ASTN1: variants seen among roughly 807,000 people sequenced by gnomAD.
ASTN1 encodes the protein astrotactin 1, also known as astrotactin-1.
A neutral mutation model predicts 140.7 loss-of-function variants in ASTN1; 41 were observed. The ratio of observed to expected loss-of-function variants is 0.29; its 90% CI spans 0.23 to 0.38. ASTN1 has a LOEUF of 0.38. Among genes scored for constraint, ASTN1 ranks in the 10% least tolerant of loss-of-function variants. The pLI is 1.00. For missense variants in ASTN1, 1,479 were observed against 1,678.8 expected, an observed-to-expected ratio of 0.88 and a Z score of 2.08; for synonymous variants, 640 against 652.2, an observed-to-expected ratio of 0.98 and a Z score of 0.29.
intron 8 of ASTN1, among the ~76,000 whole-genome samples, chr1:176,996,289 TCA>T (rs372443740): frequency 7.7e-5 from 10 of 129,406 alleles, no homozygotes; most frequent in South Asian, 5.2e-4. Flanking sequence ...TCTCTCTCTC[TCA>T]CACACACACA....
At chr1:177,033,093 G>A (rs944406761) in intron 2 of ASTN1, among the ~76,000 whole-genome samples, 2 of 150,680 alleles carry the variant, frequency 1.3e-5, no homozygotes, top group Admixed American at 6.6e-5. Context: ...CAGTTGCTTC[G>A]GGCTTAGCAA....
At chr1:177,108,424 A>C (rs1414412335) in intron 1 of ASTN1, among the ~76,000 whole-genome samples, 1 of 151,906 alleles carries the variant, frequency 6.6e-6, no homozygotes, top group Non-Finnish European at 1.5e-5. Context: ...TGACTACTCT[A>C]GGTACCTCAT....
At chr1:177,040,143 C>T (rs1350005126) in intron 2 of ASTN1, among the ~76,000 whole-genome samples, 1 of 152,256 alleles carries the variant, frequency 6.6e-6, no homozygotes, top group Admixed American at 6.5e-5. Flanking sequence ...CCCTGCCCAT[C>T]TCCTTCGCAG....
intron 1 of ASTN1, among the ~76,000 whole-genome samples, chr1:177,118,816 C>T (rs1681230846): frequency 6.6e-6 from 1 of 152,136 alleles, no homozygotes; most frequent in Admixed American, 6.5e-5. Flanking sequence ...TCCACTACAT[C>T]AACCAAAAGT....
intron 1 of ASTN1, among the ~76,000 whole-genome samples, chr1:177,087,284 T>C (rs747797884): frequency 1.4e-4 from 22 of 152,194 alleles, no homozygotes; most frequent in Admixed American, 2.6e-4. Context: ...GCAGGTTTCC[T>C]GGCCATGCCT....
At chr1:177,092,246 T>C (rs1679793544) in intron 1 of ASTN1, among the ~76,000 whole-genome samples, 2 of 152,194 alleles carry the variant, frequency 1.3e-5, no homozygotes, top group Admixed American at 1.3e-4. Context: ...CATTTTCTAA[T>C]GACTAAGGAT....
Position 176,965,186 on chromosome 1 carries a change from C to T in ASTN1, c.1575G>A (p.Glu525=). The T allele has an allele frequency of 6.2e-7, 1 of 1,614,014 alleles. No individual in the cohort carries two copies. Among genetic ancestry groups the T allele is most frequent in the Non-Finnish European group, 8.5e-7 (1 of 1,179,902 alleles). ...FQRGFDLVLG[E]QPSDKIFRFT... ...ACCTAAATATTTTATCAGAGGGCTG[C>T]TCTCCCAAAACCAGGTCAAAGCCTC... The change falls in exon 9 of 23, where the codon GAG becomes GAA. Residue 525 remains glutamate (E), a synonymous_variant. Transcript: ENST00000361833.
chr1:176,953,342 C>A (rs973093192), intron 11 of ASTN1, among the ~76,000 whole-genome samples: 2 of 152,158 alleles, frequency 1.3e-5, no homozygotes, highest in Non-Finnish European at 2.9e-5. Flanking sequence ...TGCAGCTGAT[C>A]CTGCCTCACC....
chr1:177,024,161 G>T (rs1414865237), intron 6 of ASTN1, among the ~76,000 whole-genome samples: 2 of 152,312 alleles, frequency 1.3e-5, no homozygotes, highest in East Asian at 3.9e-4. Flanking sequence ...TAGGCTTACA[G>T]CAAGTTACTG....
At chr1:176,955,588 A>G (rs1217272180) in intron 11 of ASTN1, among the ~76,000 whole-genome samples, 3 of 152,250 alleles carry the variant, frequency 2.0e-5, no homozygotes, top group Non-Finnish European at 2.9e-5. Flanking sequence ...CAGTGGCTCC[A>G]ATTCTAAAAT....
In ASTN1 at chr1:177,030,861, G is replaced by T; in HGVS notation, c.957C>A (p.Thr319=). 6.2e-7 allele frequency: 1 copy of T among 1,614,118 alleles called. No individual in the cohort carries two copies. Among genetic ancestry groups the T allele is most frequent in the Non-Finnish European group, 8.5e-7 (1 of 1,180,014 alleles). The part of the protein sequence containing the change: ...SPVDSNHQQA[T]LLSHTSSSQR... ...GGCTGCTGGAGGTGTGAGAGAGAAG[G>T]GTGGCTTGCTGGTGGTTGGAGTCCA... is the stretch of plus-strand genomic sequence containing the variant. Residue 319 remains threonine, a synonymous_variant, in exon 4 of 23, where the codon ACC becomes ACA. Coordinates refer to ENST00000361833, the MANE Select transcript of ASTN1 (RefSeq NM_004319.3).
chr1:176,930,999 G>A (rs868091542), intron 16 of ASTN1, among the ~76,000 whole-genome samples: 2 of 152,246 alleles, frequency 1.3e-5, no homozygotes, highest in African/African-American at 4.8e-5. Flanking sequence ...GAAGCAGGGA[G>A]GGATGGGCGC....
chr1:176,926,992 A>G lies in ASTN1; in HGVS notation c.2671+7160T>C, dbSNP rs114182729. On this transcript the variant is annotated intron_variant, in intron 16 of 22. Coordinates refer to ENST00000361833, the MANE Select transcript of ASTN1 (RefSeq NM_004319.3). ...GTTTACTATCCTGGGAGAGGAACCA[A>G]TTTAGTCTTCCTGGGCTTTATCCAC... Among the ~76,000 whole-genome samples, 277 of 152,314 alleles carry G rather than the reference A, an allele frequency of 1.8e-3. 1 individual carries two copies. Among genetic ancestry groups the G allele is most frequent in the African/African-American group, 6.5e-3 (272 of 41,576 alleles).
chr1:176,930,331 T>C (rs1371573995), intron 16 of ASTN1, among the ~76,000 whole-genome samples: 1 of 152,078 alleles, frequency 6.6e-6, no homozygotes, highest in African/African-American at 2.4e-5. Flanking sequence ...CTGGAGAATT[T>C]CCTGGTAGAA....
rs544459844 is a variant in ASTN1 at position 177,011,994 on chromosome 1, T to A, written c.1523+2797A>T. ...TTGGCCTAGGATTTGGTTGTTCTAC[T>A]TCAAAGGAATGTTCAGCTATTTTAA... is the stretch of plus-strand genomic sequence containing the variant. On this transcript the variant is annotated intron_variant, in intron 8 of 22. Coordinates refer to ENST00000361833, the MANE Select transcript of ASTN1 (RefSeq NM_004319.3). 9.8e-5 allele frequency among the ~76,000 whole-genome samples: 15 copies of A among 152,326 alleles called. No homozygotes were observed. In the South Asian group the frequency reaches 3.1e-3, roughly 32 times the overall value.
intron 21 of ASTN1, among the ~76,000 whole-genome samples, chr1:176,873,572 G>A (rs1390345309): frequency 6.6e-6 from 1 of 152,162 alleles, no homozygotes; most frequent in African/African-American, 2.4e-5. Context: ...TCAGACCTGA[G>A]TGCTGCGAGA....
At chr1:176,992,620 C>T (rs961510181) in intron 8 of ASTN1, among the ~76,000 whole-genome samples, 11 of 152,128 alleles carry the variant, frequency 7.2e-5, no homozygotes, top group African/African-American at 1.4e-4. Context: ...CTTTCCAAAA[C>T]GACTTGGCAT....
Position 176,900,511 on chromosome 1 carries a change from A to G in ASTN1, c.2672-5681T>C, listed in dbSNP as rs115994268. ...AACTAATCTTATGAAATTTACATTC[A>G]TTTTAGCCCCACACCATCCACTTCT... On this transcript the variant is annotated intron_variant, in intron 16 of 22. Transcript: ENST00000361833. Among the ~76,000 whole-genome samples the G allele has an allele frequency of 7.5e-3, 1,144 of 151,994 alleles. 17 individuals are homozygous for G. The highest frequency in any genetic ancestry group is 0.026 in the African/African-American group (1,066 of 41,422).
intron 16 of ASTN1, among the ~76,000 whole-genome samples, chr1:176,901,359 G>C (rs955090783): frequency 3.3e-5 from 5 of 152,220 alleles, no homozygotes; most frequent in African/African-American, 1.2e-4. Context: ...AGGGCAGACA[G>C]TGTGGTTCAA....
Sources: gnomAD v4.1 joint callset for allele counts (sites outside exome capture counted in the v4.1 genomes callset) on GRCh38, gnomAD v4.1.1 for gene constraint, MANE v1.5 for transcripts, NCBI Gene and HGNC (gene_info 2026-07-23, HGNC 2026-07-21) for gene names.